The following FRMPD1 variants were observed in gnomAD, a reference collection of about 807,000 sequenced individuals.
The protein encoded by FRMPD1 is FERM and PDZ domain-containing protein 1.
In FRMPD1, 76 loss-of-function variants were observed where a neutral mutation model predicts 117.8. The ratio of observed to expected loss-of-function variants is 0.65; its 90% confidence interval spans 0.54 to 0.78. The LOEUF (loss-of-function observed/expected upper bound fraction) is 0.78, where lower values mean the gene tolerates loss of function less well. Among genes scored for constraint, FRMPD1 ranks in the 30% least tolerant of loss-of-function variants. The pLI is 0.00. For missense variants in FRMPD1, 1,786 were observed against 1,964.5 expected, an observed-to-expected ratio of 0.91 and a Z score of 1.72; for synonymous variants, 783 against 770.4, an observed-to-expected ratio of 1.02 and a Z score of -0.27.
chr9:37,712,699 A>T (rs1299393002), intron 5 of FRMPD1, among the ~76,000 whole-genome samples: 2 of 152,228 alleles, frequency 1.3e-5, no homozygotes, highest in African/African-American at 4.8e-5. Flanking sequence ...TTGAAGCTAC[A>T]CTCAGAGTAA....
chr9:37,680,110 C>A (rs1821671268), intron 1 of FRMPD1, among the ~76,000 whole-genome samples: 1 of 152,178 alleles, frequency 6.6e-6, no homozygotes, highest in South Asian at 2.1e-4. Flanking sequence ...GAGAAAGGCA[C>A]AGCCTGGATC....
the FRMPD1 span, among the ~76,000 whole-genome samples, chr9:37,622,167 G>C: frequency 0.041 from 6,282 of 152,312 alleles, 435 homozygotes; most frequent in African/African-American, 0.14. Context: ...CTCCCCAGCT[G>C]TCTGGGAGCC....
chr9:37,742,516 CT>C (rs1824471085), intron 15 of FRMPD1, among the ~76,000 whole-genome samples: 1 of 152,188 alleles, frequency 6.6e-6, no homozygotes, highest in Non-Finnish European at 1.5e-5. Context: ...GTCTTTGGGA[CT>C]TAGAAACTCC....
At chr9:37,603,670 ATTTTG>A in the FRMPD1 span, among the ~76,000 whole-genome samples, 550 of 143,200 alleles carry the variant, frequency 3.8e-3, no homozygotes, top group Non-Finnish European at 5.5e-3. Context: ...GTTTTGTTTT[ATTTTG>A]TTTTGTTTTG....
chr9:37,732,269 T>C (rs1302323262), intron 9 of FRMPD1, 35 bp from the exon 10 acceptor site: 2 of 1,609,216 alleles, frequency 1.2e-6, no homozygotes, highest in Non-Finnish European at 8.5e-7. Flanking sequence ...TATGTCTGCT[T>C]TTGTTTCCCA....
intron 2 of FRMPD1, among the ~76,000 whole-genome samples, chr9:37,704,568 A>G (rs1364380038): frequency 1.3e-5 from 2 of 152,100 alleles, no homozygotes; most frequent in African/African-American, 2.4e-5. Context: ...TAAGCAAGTT[A>G]AAATCTCTCA....
intron 3 of FRMPD1, 89 bp from the exon 4 acceptor site, chr9:37,708,310 A>C (rs2296555): frequency 0.56 from 428,817 of 766,782 alleles, 122,250 homozygotes; most frequent in East Asian, 0.83. Context: ...TGGGAACTGG[A>C]TCAGGGTGCC....
chr9:37,714,899 C>T (rs990897347), intron 5 of FRMPD1, among the ~76,000 whole-genome samples: 2 of 152,124 alleles, frequency 1.3e-5, no homozygotes, highest in Non-Finnish European at 2.9e-5. Context: ...CCGTCTGCCT[C>T]GGCCTCCCAA....
At chr9:37,705,960 A>AAAATAAAT (rs59737991) in intron 2 of FRMPD1, among the ~76,000 whole-genome samples, 13,714 of 138,848 alleles carry the variant, frequency 0.099, 743 homozygotes, top group Admixed American at 0.13. Context: ...ACCCTCCCTC[A>AAAATAAAT]AAATAAATAA....
Position 37,719,080 on chromosome 9 carries a change from A to G in FRMPD1, c.420A>G (p.Lys140=), listed in dbSNP as rs764683777. The change falls in exon 6 of 16, where the codon AAA becomes AAG. Residue 140 remains lysine (K), a synonymous_variant. Coordinates refer to ENST00000377765, the MANE Select transcript of FRMPD1 (RefSeq NM_014907.3). ...TTACTGTTTTTCAGGGAGTCCCTAA[A>G]TCGTCCTTCCTGACCGAGGAGAAGA... ...TVVRCTSGVP[K]SSFLTEEKRA... 1.9e-6 allele frequency: 3 copies of G among 1,608,498 alleles called. No individual in the cohort carries two copies. The highest frequency in any genetic ancestry group is 2.7e-5 in the African/African-American group (2 of 74,944).
At chr9:37,714,578 T>A (rs982194279) in intron 5 of FRMPD1, among the ~76,000 whole-genome samples, 2 of 41,780 alleles carry the variant, frequency 4.8e-5, no homozygotes, top group Admixed American at 6.9e-4. Context: ...CCGAAGAAGT[T>A]TATTTTATTT....
chr9:37,707,510 C>T lies in FRMPD1; in HGVS notation c.196C>T (p.Leu66Phe), dbSNP rs752933775. 26 of 1,613,860 alleles carry T rather than the reference C, an allele frequency of 1.6e-5. No individual in the cohort carries two copies. In the South Asian group the frequency reaches 2.9e-4, roughly 18 times the overall value. ...AGTAAAGATAGACAAAGACACCCTC[C>T]TCCAGGACTATGGATTTCACATTTC... Reference protein sequence around the residue: ...HTVKIDKDTLLQDYGFHISES... With the variant: ...HTVKIDKDTLFQDYGFHISES... The change falls in exon 3 of 16, where the codon CTC (leucine) becomes TTC (phenylalanine). Residue 66 changes from leucine (L) to phenylalanine (F), a missense_variant. Transcript: ENST00000377765.
upstream of FRMPD1, among the ~76,000 whole-genome samples, chr9:37,646,197 C>T (rs1325917): frequency 0.12 from 17,844 of 152,194 alleles, 1,130 homozygotes; most frequent in East Asian, 0.18. Flanking sequence ...TGCATAAGAC[C>T]TTGAATATTA....
At chr9:37,625,474 G>A in the FRMPD1 span, among the ~76,000 whole-genome samples, 1 of 152,142 alleles carries the variant, frequency 6.6e-6, no homozygotes, top group African/African-American at 2.4e-5. Context: ...CTCAAGCATA[G>A]GTGGACGCGC....
At chr9:37,683,559 G>T (rs1418677914) in intron 1 of FRMPD1, among the ~76,000 whole-genome samples, 1 of 152,244 alleles carries the variant, frequency 6.6e-6, no homozygotes, top group African/African-American at 2.4e-5. Flanking sequence ...CAGGCAGGGA[G>T]TATGGACTAG....
chr9:37,635,808 G>A, the FRMPD1 span, among the ~76,000 whole-genome samples: 1 of 152,204 alleles, frequency 6.6e-6, no homozygotes, highest in Non-Finnish European at 1.5e-5. Context: ...GAGAAGTAGC[G>A]GCAGGGGATG....
intron 1 of FRMPD1, among the ~76,000 whole-genome samples, chr9:37,652,451 C>T (rs73443142): frequency 0.014 from 2,192 of 152,280 alleles, 52 homozygotes; most frequent in African/African-American, 0.05. Context: ...CAATTAGTGG[C>T]TCCCCAGTGT....
At chr9:37,667,997 C>T (rs4463517) in intron 1 of FRMPD1, 14,378 of 152,382 alleles carry the variant, frequency 0.094, 966 homozygotes, top group African/African-American at 0.19. Context: ...TTGCTATTAA[C>T]TTTAACTGAA....
chr9:37,740,294 C>A lies in FRMPD1; in HGVS notation c.1766C>A (p.Ala589Glu), dbSNP rs574623304. ...ACGACAGACAGTGCCGAGTCCGAGGCGTCCGACTCAGCCAACACTGAGAGC... is the reference window on the plus strand; with the variant it reads ...ACGACAGACAGTGCCGAGTCCGAGGAGTCCGACTCAGCCAACACTGAGAGC... ...SSTTDSAESE[A>E]SDSANTESRG... Residue 589 changes from alanine to glutamate, a missense_variant, in exon 15 of 16, where the codon GCG becomes GAG. Transcript: ENST00000377765. This position sits in a 1 kb window ranked among gnomAD's most constrained non-coding sequence, Gnocchi z 4.2. 1.4e-5 allele frequency: 22 copies of A among 1,613,630 alleles called. No homozygotes were observed. The highest frequency in any genetic ancestry group is 1.9e-5 in the Non-Finnish European group (22 of 1,179,944).
Sources: gnomAD v4.1 joint callset for allele counts (sites outside exome capture counted in the v4.1 genomes callset) on GRCh38, gnomAD v4.1.1 for gene constraint, Gnocchi (gnomAD v3.1) non-coding constraint, MANE v1.5 for transcripts, NCBI Gene and HGNC (gene_info 2026-07-23, HGNC 2026-07-21) for gene names.